The following VPS13A variants were observed in gnomAD, a reference collection of about 807,000 sequenced individuals.
The protein encoded by VPS13A is vacuolar protein sorting 13 homolog A.
In VPS13A, 264 loss-of-function variants were observed where a neutral mutation model predicts 390.9. The ratio of observed to expected loss-of-function variants is 0.68; its 90% CI spans 0.61 to 0.75. The LOEUF (loss-of-function observed/expected upper bound fraction) is 0.75. Among genes scored for constraint, VPS13A ranks in the 30% least tolerant of loss-of-function variants. The pLI is 0.00. For missense variants in VPS13A, 3,409 were observed against 3,733.9 expected (o/e 0.91, Z 2.27); for synonymous variants, 1,231 against 1,227.1 (o/e 1.00, Z -0.07).
At chr9:77,304,654 G>A (rs1438570628) in intron 34 of VPS13A, among the ~76,000 whole-genome samples, 1 of 152,134 alleles carries the variant, frequency 6.6e-6, no homozygotes, top group East Asian at 1.9e-4. Flanking sequence ...AATGAAAATG[G>A]CAAATGTGTC....
At chr9:77,179,889 C>G (rs1823904614) in intron 1 of VPS13A, among the ~76,000 whole-genome samples, 1 of 152,128 alleles carries the variant, frequency 6.6e-6, no homozygotes, top group Non-Finnish European at 1.5e-5. Flanking sequence ...TACTCCACCT[C>G]TGGCAACCAC....
chr9:77,306,974 T>C (rs546823684), intron 34 of VPS13A, among the ~76,000 whole-genome samples: 1 of 151,252 alleles, frequency 6.6e-6, no homozygotes, highest in South Asian at 2.1e-4. Flanking sequence ...TGGCGCGATC[T>C]CGGCTCACTG....
At chr9:77,386,509 G>A (rs1284664247) in intron 68 of VPS13A, among the ~76,000 whole-genome samples, 1 of 145,600 alleles carries the variant, frequency 6.9e-6, no homozygotes, top group Non-Finnish European at 1.5e-5. Context: ...AAAAAAAAAA[G>A]TTGTGGTTAT....
chr9:77,263,439 A>G (rs1027635416), intron 23 of VPS13A, among the ~76,000 whole-genome samples: 5 of 152,058 alleles, frequency 3.3e-5, no homozygotes, highest in African/African-American at 1.2e-4. Context: ...CCGACATTCT[A>G]ACTGGCATGA....
At chr9:77,402,596 A>G (rs1834436893) in intron 68 of VPS13A, among the ~76,000 whole-genome samples, 1 of 136,818 alleles carries the variant, frequency 7.3e-6, no homozygotes, top group East Asian at 2.0e-4. Flanking sequence ...AAAATGGTAA[A>G]TCTTATTTTG....
intron 10 of VPS13A, among the ~76,000 whole-genome samples, chr9:77,218,625 CA>C (rs1822999251): frequency 1.4e-5 from 2 of 147,244 alleles, no homozygotes; most frequent in South Asian, 4.4e-4. Flanking sequence ...ATAAGGTTCT[CA>C]TACTTTGAGA....
chr9:77,256,068 T>G (rs1303415680), intron 22 of VPS13A, among the ~76,000 whole-genome samples: 3 of 152,076 alleles, frequency 2.0e-5, no homozygotes, highest in Non-Finnish European at 4.4e-5. Context: ...TTCTAGTTCC[T>G]TAAGGTGTAA....
chr9:77,326,005 T>C (rs1830001684), intron 45 of VPS13A, among the ~76,000 whole-genome samples: 1 of 152,194 alleles, frequency 6.6e-6, no homozygotes, highest in African/African-American at 2.4e-5. Context: ...CATATATGTA[T>C]TACAGATATT....
In VPS13A at chr9:77,419,622, C is replaced by T. The variant is rs537079594; in HGVS notation, c.*3616C>T. 1.7e-4 allele frequency: 26 copies of T among 152,240 alleles called. No homozygotes were observed. Among genetic ancestry groups the T allele is most frequent in the African/African-American group, 5.8e-4 (24 of 41,542 alleles). The allele number at this position is 152,240 out of a possible 1,614,324, so 9.4% of individuals were successfully genotyped here. On this transcript the variant is annotated 3_prime_UTR_variant, in exon 72 of 72. Coordinates refer to ENST00000360280, the MANE Select transcript of VPS13A (RefSeq NM_033305.3). ...AATATTTTTCTTCTCTGCTGTGTAT[C>T]GGGCAACCTCACATGATTCAGTGGG... is the stretch of plus-strand genomic sequence containing the variant.
intron 31 of VPS13A, among the ~76,000 whole-genome samples, chr9:77,284,617 C>T (rs1420996815): frequency 6.6e-6 from 1 of 152,124 alleles, no homozygotes; most frequent in Non-Finnish European, 1.5e-5. Context: ...AAGTAAAGCT[C>T]ACAGAAATAA....
chr9:77,205,381 AT>A lies in VPS13A; in HGVS notation c.259del (p.Tyr87IlefsTer4). On this transcript the variant is annotated frameshift_variant, in exon 4 of 72. Coordinates refer to ENST00000360280, the MANE Select transcript of VPS13A (RefSeq NM_033305.3). LOFTEE classifies it high-confidence loss of function. The part of the protein sequence containing the change: ...TQPVEAVLEE[I>X]YLLIVPSSRI... The stretch of plus-strand genomic sequence containing the variant: ...ACCTGTTGAAGCCGTATTGGAAGAA[AT>A]TTATTTACTTATAGTGCCTTCTTCT... 1 of 1,475,016 alleles carries A rather than the reference AT, an allele frequency of 6.8e-7. No homozygotes were observed. The highest frequency in any genetic ancestry group is 9.1e-7 in the Non-Finnish European group (1 of 1,104,000). 91.4% of individuals were successfully genotyped at this position (1,475,016 alleles called of 1,614,324 possible). A position where few individuals can be genotyped will look rare whatever the true frequency, so the allele number is the denominator to read the frequency against.
Position 77,419,067 on chromosome 9 carries a change from T to C in VPS13A, c.*3061T>C, listed in dbSNP as rs1258388246. 1.3e-5 allele frequency: 2 copies of C among 152,176 alleles called. No homozygotes were observed. Among genetic ancestry groups the C allele is most frequent in the African/African-American group, 4.8e-5 (2 of 41,442 alleles). 9.4% of individuals were successfully genotyped at this position (152,176 alleles called of 1,614,324 possible). A position where few individuals can be genotyped will look rare whatever the true frequency, so the allele number is the denominator to read the frequency against. On this transcript the variant is annotated 3_prime_UTR_variant, in exon 72 of 72. Transcript: ENST00000360280. The stretch of plus-strand genomic sequence containing the variant: ...AGTTTGCCTGTAGAAGCTCAAAGTG[T>C]GTACCAAATACATTGACAGTGGATG...
At chr9:77,348,004 A>T (rs1244691692) in intron 52 of VPS13A, among the ~76,000 whole-genome samples, 4 of 152,186 alleles carry the variant, frequency 2.6e-5, no homozygotes, top group Non-Finnish European at 5.9e-5. Context: ...GAGAAATAGG[A>T]ACGCTTTTAC....
intron 68 of VPS13A, among the ~76,000 whole-genome samples, chr9:77,399,181 TAAAA>T (rs1223344360): frequency 1.1e-3 from 38 of 34,998 alleles, no homozygotes; most frequent in Non-Finnish European, 2.0e-3. Context: ...AAAAAAAAAA[TAAAA>T]AAAAAAAAAA....
chr9:77,203,339 A>G (rs542061375), intron 3 of VPS13A, among the ~76,000 whole-genome samples: 1 of 152,192 alleles, frequency 6.6e-6, no homozygotes, highest in East Asian at 1.9e-4. Context: ...CCCAGGCTGG[A>G]GTACAGTGGT....
intron 67 of VPS13A, among the ~76,000 whole-genome samples, chr9:77,372,302 C>T (rs1336861802): frequency 1.3e-5 from 2 of 151,986 alleles, no homozygotes; most frequent in African/African-American, 2.4e-5. Flanking sequence ...TCCACATCCT[C>T]TCCAGCACCT....
Position 77,413,657 on chromosome 9 carries a change from A to T in VPS13A, c.9475-2299A>T, listed in dbSNP as rs542123643. Reference sequence around the variant, plus strand: ...AAAACCCTAGAAGAAAACTTAGGCAATACCATTCAGGACATAGGCATGGGC... The same window carrying T: ...AAAACCCTAGAAGAAAACTTAGGCATTACCATTCAGGACATAGGCATGGGC... On this transcript the variant is annotated intron_variant, in intron 71 of 71. Transcript: ENST00000360280. Among the ~76,000 whole-genome samples the T allele has an allele frequency of 4.0e-3, 609 of 152,322 alleles. 2 individuals are homozygous for T. Among genetic ancestry groups the T allele is most frequent in the African/African-American group, 0.014 (590 of 41,572 alleles).
chr9:77,293,013 C>G (rs1433322839), intron 31 of VPS13A, among the ~76,000 whole-genome samples: 1 of 151,926 alleles, frequency 6.6e-6, no homozygotes, highest in Admixed American at 6.6e-5. Flanking sequence ...CATGGTTACT[C>G]TCATTACGAA....
intron 22 of VPS13A, among the ~76,000 whole-genome samples, chr9:77,254,183 TC>T (rs967912019): frequency 1.6e-4 from 24 of 152,136 alleles, no homozygotes; most frequent in African/African-American, 5.5e-4. Flanking sequence ...GACCTCGTGA[TC>T]CGCCCGCCTC....
Sources: gnomAD v4.1 joint callset for allele counts (sites outside exome capture counted in the v4.1 genomes callset) on GRCh38, gnomAD v4.1.1 for gene constraint, MANE v1.5 for transcripts, NCBI Gene and HGNC (gene_info 2026-07-23, HGNC 2026-07-21) for gene names.